CD96: variants seen among roughly 807,000 people sequenced by gnomAD.
CD96 encodes the protein CD96 molecule.
Under a neutral mutation model 71.3 loss-of-function variants are expected in CD96, and 70 were observed. The ratio of observed to expected loss-of-function variants is 0.98; its 90% CI spans 0.81 to 1.20. The LOEUF (loss-of-function observed/expected upper bound fraction) is 1.20. CD96 is among the 50% of genes most tolerant of loss of function. The pLI is 0.00. For missense variants in CD96, 742 were observed against 677.5 expected (o/e 1.10, Z -1.06); for synonymous variants, 248 against 233.0 (o/e 1.06, Z -0.59).
At chr3:111,612,236 T>C (rs1356297745) in intron 8 of CD96, among the ~76,000 whole-genome samples, 2 of 152,320 alleles carry the variant, frequency 1.3e-5, no homozygotes, top group East Asian at 3.9e-4. Context: ...TTGTTTTCCA[T>C]GATCACGAAG....
chr3:111,613,149 T>C (rs1559756661), intron 8 of CD96, among the ~76,000 whole-genome samples: 2 of 152,222 alleles, frequency 1.3e-5, no homozygotes, highest in Non-Finnish European at 2.9e-5. Context: ...ATGACTAGTT[T>C]ACTTTGGGTA....
intron 3 of CD96, among the ~76,000 whole-genome samples, chr3:111,569,149 C>T (rs936474782): frequency 1.3e-5 from 2 of 152,066 alleles, no homozygotes; most frequent in African/African-American, 2.4e-5. Context: ...AAACTAGACC[C>T]TATATATAAA....
chr3:111,594,766 C>T (rs1937176631), intron 5 of CD96: 1 of 167,360 alleles, frequency 6.0e-6, no homozygotes, highest in African/African-American at 2.4e-5. Context: ...AAAGCAAACA[C>T]AGGCAGATGC....
intron 14 of CD96, among the ~76,000 whole-genome samples, chr3:111,659,087 T>C (rs1170471688): frequency 6.6e-6 from 1 of 152,230 alleles, no homozygotes; most frequent in Non-Finnish European, 1.5e-5. Flanking sequence ...ATTCAAGATT[T>C]CAATTGCTTC....
intron 8 of CD96, among the ~76,000 whole-genome samples, chr3:111,620,586 C>T (rs536423099): frequency 1.3e-5 from 2 of 152,236 alleles, no homozygotes; most frequent in South Asian, 4.1e-4. Context: ...TGGTTCAGAC[C>T]CTCAAGTGAA....
intron 8 of CD96, among the ~76,000 whole-genome samples, chr3:111,609,290 A>G (rs990844117): frequency 6.6e-6 from 1 of 152,220 alleles, no homozygotes; most frequent in Admixed American, 6.5e-5. Flanking sequence ...GCCCCAGTTT[A>G]AGGACTCCAA....
At chr3:111,636,976 A>G (rs1173077810) in intron 10 of CD96, among the ~76,000 whole-genome samples, 1 of 152,072 alleles carries the variant, frequency 6.6e-6, no homozygotes, top group African/African-American at 2.4e-5. Flanking sequence ...CTAAGTGGCC[A>G]TAATTAAAAC....
chr3:111,579,645 C>T (rs1263741841), intron 4 of CD96, among the ~76,000 whole-genome samples: 1 of 152,192 alleles, frequency 6.6e-6, no homozygotes, highest in African/African-American at 2.4e-5. Context: ...CACGGTATCA[C>T]ATGGCGAGGG....
At chr3:111,582,080 C>G (rs1936492152) in intron 4 of CD96, among the ~76,000 whole-genome samples, 1 of 152,204 alleles carries the variant, frequency 6.6e-6, no homozygotes, top group African/African-American at 2.4e-5. Context: ...ATCTCTCCAT[C>G]TGTATCACTA....
chr3:111,600,673 A>G (rs375882361), intron 6 of CD96, 53 bp from the exon 7 acceptor site: 5 of 1,331,302 alleles, frequency 3.8e-6, no homozygotes, highest in Non-Finnish European at 4.3e-6. Flanking sequence ...GCATTATTGT[A>G]TGGCTCATAC....
At chr3:111,567,780 G>T in intron 3 of CD96, 133 bp downstream of exon 3, 1 of 828,210 alleles carries the variant, frequency 1.2e-6, no homozygotes, top group Non-Finnish European at 2.0e-6. Context: ...TGGGAAGAGG[G>T]GTAGGGAAGG....
At chr3:111,592,786 C>A (rs912291392) in intron 5 of CD96, 1 of 152,102 alleles carries the variant, frequency 6.6e-6, no homozygotes, top group Non-Finnish European at 1.5e-5. Context: ...TTTATATAAT[C>A]TATACTGAAT....
chr3:111,665,590 C>A (rs1576447536), exon 15 of CD96: 1 of 152,116 alleles, frequency 6.6e-6, no homozygotes, highest in East Asian at 1.9e-4. Flanking sequence ...AATTGGAGCC[C>A]TTTGATTTTC....
chr3:111,628,664 C>G (rs1390810708), intron 10 of CD96, among the ~76,000 whole-genome samples: 2 of 152,026 alleles, frequency 1.3e-5, no homozygotes, highest in African/African-American at 4.8e-5. Flanking sequence ...TACAGAGAAC[C>G]CCAGTAAGAT....
chr3:111,570,513 A>G, intron 3 of CD96: 3 of 926,384 alleles, frequency 3.2e-6, no homozygotes, highest in Admixed American at 2.7e-5. Flanking sequence ...GGTAGAAATC[A>G]CAAATGGGAC....
rs559803386 is a variant in CD96, at chr3:111,664,827, G to A, written c.*53-700G>A. 2.6e-5 allele frequency among the ~76,000 whole-genome samples: 4 copies of A among 152,282 alleles called. No homozygotes were observed. In the East Asian group the frequency reaches 5.8e-4, roughly 22 times the overall value. ...CTCTAGATTGAATCCTGTACTAGAA[G>A]GGGGGAAATGGTATGAAAGACATTT... On this transcript the variant is annotated intron_variant and NMD_transcript_variant, in intron 14 of 14. Transcript: ENST00000494798.
chr3:111,571,006 C>T (rs1375846140), intron 3 of CD96: 19 of 1,458,430 alleles, frequency 1.3e-5, no homozygotes, highest in Middle Eastern at 3.4e-4. Flanking sequence ...TCCTGCTCCT[C>T]CAGCTTCTCT....
chr3:111,643,294 A>G (rs1402625855), intron 12 of CD96, among the ~76,000 whole-genome samples: 1 of 152,168 alleles, frequency 6.6e-6, no homozygotes, highest in Non-Finnish European at 1.5e-5. Context: ...CTTTATGATT[A>G]AAACTCAGCA....
chr3:111,618,039 T>C (rs904436110), intron 8 of CD96, among the ~76,000 whole-genome samples: 2 of 152,050 alleles, frequency 1.3e-5, no homozygotes, highest in Admixed American at 1.3e-4. Flanking sequence ...TCACACAGAG[T>C]CGGCACCCAT....
Sources: gnomAD v4.1 joint callset for allele counts (sites outside exome capture counted in the v4.1 genomes callset) on GRCh38, gnomAD v4.1.1 for gene constraint, MANE v1.5 for transcripts, NCBI Gene and HGNC (gene_info 2026-07-23, HGNC 2026-07-21) for gene names.